Variants in CFAP44 observed in about 807,000 individuals in gnomAD.
The protein encoded by CFAP44 is cilia- and flagella-associated protein 44.
In CFAP44, 134 loss-of-function variants were observed where a neutral mutation model predicts 216.2. That is an observed-to-expected ratio of 0.62 (90% CI 0.54 to 0.72). The LOEUF (loss-of-function observed/expected upper bound fraction) is 0.72, where lower values mean the gene tolerates loss of function less well. Ranked by LOEUF, CFAP44 falls within the 30% of genes least tolerant of loss-of-function variation. CFAP44 has a pLI of 0.00. For missense variants in CFAP44, 2,035 were observed against 2,182.1 expected, an observed-to-expected ratio of 0.93 and a Z score of 1.34; for synonymous variants, 700 against 727.6, an observed-to-expected ratio of 0.96 and a Z score of 0.61.
intron 22 of CFAP44, among the ~76,000 whole-genome samples, chr3:113,352,794 A>G (rs1464636543): frequency 1.3e-5 from 2 of 152,212 alleles, no homozygotes; most frequent in Admixed American, 6.5e-5. Flanking sequence ...CCAATAATAA[A>G]AAGGATGCAG....
chr3:113,330,803 T>C, intron 25 of CFAP44, 135 bp from the exon 26 acceptor site: 1 of 1,227,376 alleles, frequency 8.1e-7, no homozygotes, highest in Non-Finnish European at 1.1e-6. Context: ...CATACCTTTT[T>C]ACCACCAAGT....
intron 32 of CFAP44, among the ~76,000 whole-genome samples, chr3:113,301,244 A>G (rs939494677): frequency 2.6e-5 from 4 of 152,296 alleles, no homozygotes; most frequent in African/African-American, 9.6e-5. Context: ...AAGGCTACAT[A>G]TGATGTAATA....
At position 113,409,087 on chromosome 3, in the gene CFAP44, T is replaced by C. The variant is rs1559939382; in HGVS notation, c.890+19A>G. Reference sequence around the variant, plus strand: ...CTCCTGTGATATCTACTGGCACCTCTATTGGTTACCCAACCTACTTGATGT... The same window carrying C: ...CTCCTGTGATATCTACTGGCACCTCCATTGGTTACCCAACCTACTTGATGT... On this transcript the variant is annotated intron_variant, in intron 7 of 34. Transcript: ENST00000393845. 5.1e-6 allele frequency: 8 copies of C among 1,582,190 alleles called. No individual in the cohort carries two copies. Among genetic ancestry groups the C allele is most frequent in the South Asian group, 2.2e-5 (2 of 90,380 alleles).
At chr3:113,432,633 T>C (rs1935135093) in intron 2 of CFAP44, among the ~76,000 whole-genome samples, 1 of 152,202 alleles carries the variant, frequency 6.6e-6, no homozygotes, top group Admixed American at 6.5e-5. Context: ...TATCACCACT[T>C]GCTATCTCTC....
chr3:113,410,162 T>TA (rs1192361438), intron 6 of CFAP44, among the ~76,000 whole-genome samples: 1 of 152,160 alleles, frequency 6.6e-6, no homozygotes. Context: ...CTTTTTTTTT[T>TA]ATTATACTTT....
intron 19 of CFAP44, among the ~76,000 whole-genome samples, chr3:113,364,919 T>C (rs1269963232): frequency 6.7e-6 from 1 of 148,758 alleles, no homozygotes; most frequent in Admixed American, 6.6e-5. Context: ...TTTTCTGTTG[T>C]TTTTTTTAAA....
chr3:113,357,814 C>T (rs766077211), intron 22 of CFAP44, among the ~76,000 whole-genome samples: 1 of 152,106 alleles, frequency 6.6e-6, no homozygotes. Flanking sequence ...ATGCATATAA[C>T]CTATGGCCCA....
intron 2 of CFAP44, among the ~76,000 whole-genome samples, chr3:113,430,619 G>A (rs72944601): frequency 0.012 from 1,867 of 151,956 alleles, 30 homozygotes; most frequent in African/African-American, 0.042. Context: ...AAGAGAAGTG[G>A]GCAAATTGCA....
chr3:113,402,552 G>T (rs1315376009), intron 9 of CFAP44, among the ~76,000 whole-genome samples: 1 of 152,220 alleles, frequency 6.6e-6, no homozygotes, highest in African/African-American at 2.4e-5. Context: ...GAGACTTTGA[G>T]AAAGGAACTC....
In CFAP44 at chr3:113,409,197, T is replaced by G; in HGVS notation, c.799A>C (p.Arg267=). ...WNWKEEQPIL[R]TKAFSQEVFK... The stretch of plus-strand genomic sequence containing the variant: ...ACTTCCTGAGAAAAAGCTTTTGTCC[T>G]TAGTATGGGTTGTTCTTCTTTCCAG... Residue 267 remains arginine (R), a synonymous_variant, in exon 7 of 35, where the codon AGG becomes CGG. Transcript: ENST00000393845. The G allele has an allele frequency of 6.2e-7, 1 of 1,614,084 alleles. No individual in the cohort carries two copies. Among genetic ancestry groups the G allele is most frequent in the South Asian group, 1.1e-5 (1 of 91,070 alleles).
intron 25 of CFAP44, 68 bp downstream of exon 25, chr3:113,333,338 G>C (rs1429833454): frequency 7.2e-7 from 1 of 1,381,982 alleles, no homozygotes; most frequent in Non-Finnish European, 9.8e-7. Flanking sequence ...GAAATGAGTG[G>C]TTTTAGCAGA....
rs190795704 is a variant in CFAP44, at chr3:113,330,197, C to G, written c.4087G>C (p.Val1363Leu). ...TTGACCAAATACTGTTGCATGTACA[C>G]GTGTTTAATCTCGTCTCTCTTCATA... ...EIMKRDEIKH[V>L]YMQQYLVNRI... is the part of the protein sequence containing the mutation. The change falls in exon 26 of 35, where the codon GTG (valine) becomes CTG (leucine). Residue 1363 changes from valine (V) to leucine (L), a missense_variant. Val to Leu is a conservative substitution (Grantham distance 32). Transcript: ENST00000393845. 2 of 1,537,016 alleles carry G rather than the reference C, an allele frequency of 1.3e-6. No homozygotes were observed. Among genetic ancestry groups the G allele is most frequent in the East Asian group, 2.4e-5 (1 of 40,920 alleles).
chr3:113,419,738 T>C (rs1934756617), intron 5 of CFAP44, among the ~76,000 whole-genome samples: 1 of 152,182 alleles, frequency 6.6e-6, no homozygotes, highest in Non-Finnish European at 1.5e-5. Flanking sequence ...TATGAAAAAC[T>C]TGCACGACTA....
chr3:113,411,536 T>A (rs1263413765), intron 6 of CFAP44, among the ~76,000 whole-genome samples: 1 of 152,224 alleles, frequency 6.6e-6, no homozygotes, highest in Non-Finnish European at 1.5e-5. Context: ...CCATGCTGTT[T>A]TGGTTACTGT....
intron 2 of CFAP44, among the ~76,000 whole-genome samples, chr3:113,431,931 A>T (rs1411759811): frequency 1.3e-5 from 2 of 152,278 alleles, no homozygotes; most frequent in Non-Finnish European, 2.9e-5. Flanking sequence ...CCTAGTTATA[A>T]AATTCCTCCT....
In CFAP44 at chr3:113,400,632, C is replaced by T. The variant is rs866096259; in HGVS notation, c.1387G>A (p.Glu463Lys). 4.3e-6 allele frequency: 7 copies of T among 1,609,620 alleles called. No homozygotes were observed. In the Admixed American group the frequency reaches 8.4e-5, roughly 19 times the overall value. The change falls in exon 12 of 35, where the codon GAA (glutamate) becomes AAA (lysine). Residue 463 changes from glutamate (E) to lysine (K), a missense_variant. Coordinates refer to ENST00000393845, the MANE Select transcript of CFAP44 (RefSeq NM_001164496.2). ...LSFSNITQDP[E>K]CLFSFHSGAI... is the part of the protein sequence containing the mutation. ...CCAGAATGGAAGGAGAAGAGGCATT[C>T]TGGGTCCTGGGTCTGAGAATAGATA...
At chr3:113,436,180 C>T (rs912448797) in intron 1 of CFAP44, among the ~76,000 whole-genome samples, 1 of 152,076 alleles carries the variant, frequency 6.6e-6, no homozygotes, top group Admixed American at 6.5e-5. Context: ...ATTTTCTATT[C>T]CTTCCAGTTT....
chr3:113,407,104 G>A (rs1183815957), intron 7 of CFAP44, 63 bp from the exon 8 acceptor site: 10 of 1,205,492 alleles, frequency 8.3e-6, no homozygotes, highest in African/African-American at 1.5e-5. Flanking sequence ...ATTTTAATAT[G>A]ACCCAAACAT....
intron 15 of CFAP44, among the ~76,000 whole-genome samples, chr3:113,384,989 G>C (rs1450511601): frequency 6.6e-6 from 1 of 152,186 alleles, no homozygotes. Flanking sequence ...ACATGTCATG[G>C]GAGGGACCTG....
Sources: gnomAD v4.1 joint callset for allele counts (sites outside exome capture counted in the v4.1 genomes callset) on GRCh38, gnomAD v4.1.1 for gene constraint, MANE v1.5 for transcripts, NCBI Gene and HGNC (gene_info 2026-07-23, HGNC 2026-07-21) for gene names.